Variants in CELF2 observed in about 807,000 individuals in gnomAD.
The protein encoded by CELF2 is CUG triplet repeat RNA-binding protein 2.
In CELF2, 8 loss-of-function variants were observed where a neutral mutation model predicts 62.6. The ratio of observed to expected loss-of-function variants is 0.13; its 90% confidence interval spans 0.07 to 0.23. The LOEUF (loss-of-function observed/expected upper bound fraction) is 0.23. Ranked by LOEUF, CELF2 falls within the 10% of genes least tolerant of loss-of-function variation. CELF2 has a pLI of 1.00. For missense variants in CELF2, 333 were observed against 671.0 expected, an observed-to-expected ratio of 0.50 and a Z score of 5.56; for synonymous variants, 258 against 250.0, an observed-to-expected ratio of 1.03 and a Z score of -0.30.
rs1177968831 is a variant in CELF2, at chr10:11,178,985, C to A, written c.271+13303C>A. ...TCTCTTGCCCTCTGGCCACTTCCTC[C>A]ACACCCCCAGGAACATTGCCCCCAT... On this transcript the variant is annotated intron_variant, in intron 2 of 12. Coordinates refer to ENST00000633077, the MANE Select transcript of CELF2 (RefSeq NM_001326342.2). The surrounding 1 kb of genome is among the most constrained non-coding windows in gnomAD (Gnocchi z 4.3). 6.6e-6 allele frequency among the ~76,000 whole-genome samples: 1 copy of A among 152,224 alleles called. No individual in the cohort carries two copies. The highest frequency in any genetic ancestry group is 6.5e-5 in the Admixed American group (1 of 15,284).
chr10:10,669,244 G>A, the CELF2 span, among the ~76,000 whole-genome samples: 1 of 152,286 alleles, frequency 6.6e-6, no homozygotes, highest in East Asian at 1.9e-4. Context: ...TAAAATGTCA[G>A]CCAAAACATC....
At chr10:10,994,379 C>G (rs1460428338) in intron 2 of CELF2, among the ~76,000 whole-genome samples, 5 of 152,150 alleles carry the variant, frequency 3.3e-5, no homozygotes, top group African/African-American at 1.2e-4. Context: ...ATTTACTGAT[C>G]CAGAAATTAC....
At chr10:10,734,986 C>G in the CELF2 span, among the ~76,000 whole-genome samples, 1 of 152,178 alleles carries the variant, frequency 6.6e-6, no homozygotes, top group Non-Finnish European at 1.5e-5. Flanking sequence ...CTTGCCAAAT[C>G]AAACTCTAGT....
At chr10:10,665,944 A>AAT in the CELF2 span, among the ~76,000 whole-genome samples, 1 of 152,206 alleles carries the variant, frequency 6.6e-6, no homozygotes, top group African/African-American at 2.4e-5. Context: ...TGAAGCTTAT[A>AAT]ATAGTGTTTC....
chr10:10,614,790 T>C, the CELF2 span, among the ~76,000 whole-genome samples: 1 of 152,068 alleles, frequency 6.6e-6, no homozygotes, highest in Non-Finnish European at 1.5e-5. Flanking sequence ...ATTCAGGACT[T>C]TTTTCTCTGC....
At position 11,285,374 on chromosome 10, in the gene CELF2, C is replaced by T. The variant is rs1174901905; in HGVS notation, c.842-3044C>T. 6.6e-6 allele frequency among the ~76,000 whole-genome samples: 1 copy of T among 152,136 alleles called. No individual in the cohort carries two copies. Among genetic ancestry groups the T allele is most frequent in the African/African-American group, 2.4e-5 (1 of 41,392 alleles). On this transcript the variant is annotated intron_variant, in intron 8 of 12. Coordinates refer to ENST00000633077, the MANE Select transcript of CELF2 (RefSeq NM_001326342.2). The surrounding 1 kb of genome is among the most constrained non-coding windows in gnomAD (Gnocchi z 4.3). ...ATGCCCCCGTGTGGTGCCTCAGAGA[C>T]TCAGCCACTCCCCCTGGACTTTCCA...
the CELF2 span, among the ~76,000 whole-genome samples, chr10:10,593,042 A>G: frequency 6.6e-6 from 1 of 152,194 alleles, no homozygotes; most frequent in Non-Finnish European, 1.5e-5. Flanking sequence ...GAGAAAGGGC[A>G]TTCCCAGTGG....
the CELF2 span, among the ~76,000 whole-genome samples, chr10:10,708,776 T>C: frequency 6.6e-6 from 1 of 152,122 alleles, no homozygotes; most frequent in Non-Finnish European, 1.5e-5. Context: ...AATAATATAC[T>C]GGGAATGGTT....
chr10:10,489,934 T>C, the CELF2 span, among the ~76,000 whole-genome samples: 1 of 152,120 alleles, frequency 6.6e-6, no homozygotes, highest in Non-Finnish European at 1.5e-5. Flanking sequence ...CTATGCATCA[T>C]GCAGAAGGAA....
At chr10:10,834,042 G>A (rs999032988) in intron 1 of CELF2, among the ~76,000 whole-genome samples, 4 of 152,152 alleles carry the variant, frequency 2.6e-5, no homozygotes, top group African/African-American at 4.8e-5. Flanking sequence ...ATTCACAATA[G>A]CAAAGACACG....
Position 10,828,597 on chromosome 10 carries a change from A to G in CELF2, c.53+29780A>G, listed in dbSNP as rs138196037. 1.2e-3 allele frequency among the ~76,000 whole-genome samples: 187 copies of G among 152,312 alleles called. 1 individual carries two copies. The highest frequency in any genetic ancestry group is 4.3e-3 in the African/African-American group (177 of 41,580). On this transcript the variant is annotated intron_variant, in intron 1 of 13. Transcript: ENST00000636488. ...TGAAGATTAGTTACAAAGCAGTGTG[A>G]GTATACTTAATGATACTAAACTATG...
chr10:11,157,389 C>A lies in CELF2; in HGVS notation c.75-8097C>A, dbSNP rs2064719301. On this transcript the variant is annotated intron_variant, in intron 1 of 12. Coordinates refer to ENST00000633077, the MANE Select transcript of CELF2 (RefSeq NM_001326342.2). The surrounding 1 kb of genome is among the most constrained non-coding windows in gnomAD (Gnocchi z 4.9). ...TCTTTTGACTTTGATATCCGCCCTC[C>A]CCCCACACACACACACACAAAAATT... Among the ~76,000 whole-genome samples, 1 of 121,864 alleles carries A rather than the reference C, an allele frequency of 8.2e-6. No homozygotes were observed. Among genetic ancestry groups the A allele is most frequent in the African/African-American group, 3.1e-5 (1 of 32,690 alleles). 79.9% of individuals were successfully genotyped at this position (121,864 alleles called of 152,430 possible).
At chr10:10,721,483 A>C in the CELF2 span, among the ~76,000 whole-genome samples, 1 of 152,228 alleles carries the variant, frequency 6.6e-6, no homozygotes, top group African/African-American at 2.4e-5. Flanking sequence ...GAAGTTTTGG[A>C]ACAAAATAAT....
Position 11,091,527 on chromosome 10 carries a change from T to G in CELF2, c.74+73364T>G, listed in dbSNP as rs555169949. Among the ~76,000 whole-genome samples the G allele has an allele frequency of 3.9e-5, 6 of 152,324 alleles. No individual in the cohort carries two copies. The East Asian group carries it at 1.2e-3, about 29-fold the overall frequency. Reference sequence around the variant, plus strand: ...TTCTTTCAATGCCTTTCCTCATTTTTTAAAGACAGGGTAAACTAGATTTGT... The same window carrying G: ...TTCTTTCAATGCCTTTCCTCATTTTGTAAAGACAGGGTAAACTAGATTTGT... On this transcript the variant is annotated intron_variant, in intron 1 of 12. Transcript: ENST00000633077.
At chr10:11,204,771 GC>G (rs1161837158) in intron 2 of CELF2, among the ~76,000 whole-genome samples, 1 of 152,204 alleles carries the variant, frequency 6.6e-6, no homozygotes, top group Non-Finnish European at 1.5e-5. Flanking sequence ...CCAGGCTTCC[GC>G]CGGACATCTC....
At chr10:11,059,264 C>CT (rs1407173476) in intron 1 of CELF2, among the ~76,000 whole-genome samples, 2 of 152,126 alleles carry the variant, frequency 1.3e-5, no homozygotes, top group African/African-American at 4.8e-5. Flanking sequence ...TAATCCCTGG[C>CT]TTTTTGACTT....
intron 5 of CELF2, among the ~76,000 whole-genome samples, chr10:11,261,418 C>CT (rs11388167): frequency 0.61 from 89,138 of 145,980 alleles, 27,180 homozygotes; most frequent in East Asian, 0.72. Context: ...GAATCACTGC[C>CT]TTTTTTTTTT....
chr10:11,188,522 TCTC>T (rs1377791338), intron 2 of CELF2, among the ~76,000 whole-genome samples: 1 of 152,168 alleles, frequency 6.6e-6, no homozygotes, highest in African/African-American at 2.4e-5. Flanking sequence ...ATGTCATCCT[TCTC>T]CTTCTGTTTT....
intron 9 of CELF2, among the ~76,000 whole-genome samples, chr10:11,313,033 G>A (rs563186961): frequency 6.6e-6 from 1 of 152,332 alleles, no homozygotes; most frequent in South Asian, 2.1e-4. Context: ...ATCAGGCTGT[G>A]TTGTTTTTAA....
Sources: gnomAD v4.1 joint callset for allele counts (sites outside exome capture counted in the v4.1 genomes callset) on GRCh38, gnomAD v4.1.1 for gene constraint, Gnocchi (gnomAD v3.1) non-coding constraint, MANE v1.5 for transcripts, NCBI Gene and HGNC (gene_info 2026-07-23, HGNC 2026-07-21) for gene names.